P2RX1: variants seen among roughly 807,000 people sequenced by gnomAD.
The protein encoded by P2RX1 is P2X purinoceptor 1.
In P2RX1, 42 loss-of-function variants were observed where a neutral mutation model predicts 50.3. That is an observed-to-expected ratio of 0.83 (90% CI 0.65 to 1.08). P2RX1 has a LOEUF of 1.08. Ranked by LOEUF, P2RX1 falls within the 50% of genes least tolerant of loss-of-function variation. The pLI is 0.00. For synonymous variants in P2RX1, 199 were observed against 202.6 expected, an observed-to-expected ratio of 0.98 and a Z score of 0.15; for missense variants, 449 against 529.0, an observed-to-expected ratio of 0.85 and a Z score of 1.48.
At position 3,903,833 on chromosome 17, in the gene P2RX1, G is replaced by A; in HGVS notation, c.524+95C>T. On this transcript the variant is annotated intron_variant, in intron 5 of 11. Transcript: ENST00000225538. This position sits in a 1 kb window ranked among gnomAD's most constrained non-coding sequence, Gnocchi z 4.6. ...GTTGCGCGGATGGGGTGAGGGTGGG[G>A]TCAGAAAAAGGGGTAAAGATCCTTT... 1 of 1,209,464 alleles carries A rather than the reference G, an allele frequency of 8.3e-7. No homozygotes were observed. The highest frequency in any genetic ancestry group is 1.2e-6 in the Non-Finnish European group (1 of 818,520). 74.9% of individuals were successfully genotyped at this position (1,209,464 alleles called of 1,614,324 possible). A position where few individuals can be genotyped will look rare whatever the true frequency, so the allele number is the denominator to read the frequency against.
In P2RX1 at chr17:3,897,685, C is replaced by T; in HGVS notation, c.*129G>A. The T allele has an allele frequency of 2.4e-6, 2 of 826,228 alleles. No individual in the cohort carries two copies. The highest frequency in any genetic ancestry group is 4.0e-6 in the Non-Finnish European group (2 of 500,180). 51.2% of individuals were successfully genotyped at this position (826,228 alleles called of 1,614,324 possible). A position where few individuals can be genotyped will look rare whatever the true frequency, so the allele number is the denominator to read the frequency against. On this transcript the variant is annotated 3_prime_UTR_variant, in exon 12 of 12. Coordinates refer to ENST00000225538, the MANE Select transcript of P2RX1 (RefSeq NM_002558.4). ...CCTACTATGCACCCTGAGCTTCTGG[C>T]AAACTGCTCTCTGCCTGGCTGAGAG... is the stretch of plus-strand genomic sequence containing the variant.
In P2RX1 at chr17:3,903,612, C is replaced by A. The variant is rs764142900; in HGVS notation, c.544G>T (p.Ala182Ser). Residue 182 changes from alanine (A) to serine (S), a missense_variant, in exon 6 of 12, where the codon GCC becomes TCC. Ala to Ser is a moderately conservative substitution (Grantham distance 99). Transcript: ENST00000225538. This position sits in a 1 kb window ranked among gnomAD's most constrained non-coding sequence, Gnocchi z 4.6. The part of the protein sequence containing the change: ...DIPRPALLRE[A>S]ENFTLFIKNS... ...TTGATGAAAAGAGTGAAGTTCTCGG[C>A]CTCTCGGAGAAGGGCAGGGCTGGAG... is the stretch of plus-strand genomic sequence containing the variant. 1.5e-5 allele frequency: 24 copies of A among 1,613,838 alleles called. No individual in the cohort carries two copies. The East Asian group carries it at 3.6e-4, about 24-fold the overall frequency.
chr17:3,907,871 T>C (rs1233628858), intron 1 of P2RX1, among the ~76,000 whole-genome samples: 1 of 151,626 alleles, frequency 6.6e-6, no homozygotes, highest in African/African-American at 2.4e-5. Context: ...AAGGAGCTGA[T>C]GCAGGGGGGA....
intron 8 of P2RX1, 151 bp downstream of exon 8, chr17:3,899,483 G>T: frequency 9.9e-7 from 1 of 1,009,910 alleles, no homozygotes; most frequent in Non-Finnish European, 1.5e-6. Context: ...TCTCCCTGCT[G>T]GCTTCCTGCA....
chr17:3,898,836 A>C, intron 9 of P2RX1, 98 bp downstream of exon 9: 1 of 999,424 alleles, frequency 1.0e-6, no homozygotes, highest in Non-Finnish European at 1.6e-6. Flanking sequence ...GGATGAACCC[A>C]CCCAACTTCC....
At chr17:3,912,811 C>T (rs1007110956) in intron 1 of P2RX1, among the ~76,000 whole-genome samples, 1 of 152,176 alleles carries the variant, frequency 6.6e-6, no homozygotes, top group Non-Finnish European at 1.5e-5. Context: ...GTTTCTCCCC[C>T]CAATAATTTC....
At position 3,915,774 on chromosome 17, in the gene P2RX1, G is replaced by A. The variant is rs1160528139; in HGVS notation, c.137+315C>T. 1.9e-5 allele frequency: 10 copies of A among 519,042 alleles called. No homozygotes were observed. The East Asian group carries it at 4.6e-4, about 24-fold the overall frequency. 32.2% of individuals were successfully genotyped at this position (519,042 alleles called of 1,614,324 possible). ...GTCAGAGGTCGAGGACTCAGTGGCT[G>A]TGGTTGGTGGTGCCCTGGCCCTGAA... On this transcript the variant is annotated intron_variant, in intron 1 of 11. Transcript: ENST00000225538.
intron 1 of P2RX1, among the ~76,000 whole-genome samples, chr17:3,913,841 G>A (rs779427379): frequency 3.4e-5 from 5 of 145,974 alleles, no homozygotes; most frequent in Non-Finnish European, 7.5e-5. Context: ...ACAGCAAAGT[G>A]CTGAGCTGAG....
In P2RX1 at chr17:3,904,868, T is replaced by C. The variant is rs1245956292; in HGVS notation, c.347A>G (p.Tyr116Cys). Residue 116 changes from tyrosine to cysteine, a missense_variant, in exon 3 of 12, where the codon TAC becomes TGC. Coordinates refer to ENST00000225538, the MANE Select transcript of P2RX1 (RefSeq NM_002558.4). ...GGCAGAAGTCCTCACCTCTGCGCAGTAGCCTTGAGTCTGCTTCGGGGTCAC... is the reference window on the plus strand; with the variant it reads ...GGCAGAAGTCCTCACCTCTGCGCAGCAGCCTTGAGTCTGCTTCGGGGTCAC... ...FIVTPKQTQG[Y>C]CAEHPEGGIC... 1.3e-6 allele frequency: 2 copies of C among 1,588,584 alleles called. No homozygotes were observed. Among genetic ancestry groups the C allele is most frequent in the Non-Finnish European group, 1.7e-6 (2 of 1,167,698 alleles).
chr17:3,900,644 T>C (rs925768657), intron 7 of P2RX1, among the ~76,000 whole-genome samples: 2 of 152,194 alleles, frequency 1.3e-5, no homozygotes, highest in Non-Finnish European at 2.9e-5. Context: ...CCCAGATACG[T>C]CCTTGTTATT....
chr17:3,914,799 C>T lies in P2RX1; in HGVS notation c.137+1290G>A, dbSNP rs1176417345. The stretch of plus-strand genomic sequence containing the variant: ...TGCTGACTTGCTGTGGACCTGGAAA[C>T]CCCACTGCCCCTCTCTGGGCCTCAG... On this transcript the variant is annotated intron_variant, in intron 1 of 11. Transcript: ENST00000225538. This position sits in a 1 kb window ranked among gnomAD's most constrained non-coding sequence, Gnocchi z 4.1. Among the ~76,000 whole-genome samples the T allele has an allele frequency of 6.6e-6, 1 of 152,204 alleles. No homozygotes were observed. Among genetic ancestry groups the T allele is most frequent in the African/African-American group, 2.4e-5 (1 of 41,454 alleles).
At position 3,897,538 on chromosome 17, in the gene P2RX1, C is replaced by G. The variant is rs923347567; in HGVS notation, c.*276G>C. 3.5e-6 allele frequency: 2 copies of G among 565,162 alleles called. No individual in the cohort carries two copies. Among genetic ancestry groups the G allele is most frequent in the Non-Finnish European group, 6.4e-6 (2 of 314,108 alleles). The allele number at this position is 565,162 out of a possible 1,614,324, so 35.0% of individuals were successfully genotyped here. A position where few individuals can be genotyped will look rare whatever the true frequency, so the allele number is the denominator to read the frequency against. Reference sequence around the variant, plus strand: ...GAGAGAGAAGCACGAAGCTAGGGTGCAGGTGTGTGGGAGGGTCCTGCCCAG... The same window carrying G: ...GAGAGAGAAGCACGAAGCTAGGGTGGAGGTGTGTGGGAGGGTCCTGCCCAG... On this transcript the variant is annotated 3_prime_UTR_variant, in exon 12 of 12. Transcript: ENST00000225538.
intron 1 of P2RX1, 33 bp from the exon 2 acceptor site, chr17:3,905,400 T>C (rs1243676238): frequency 1.2e-6 from 2 of 1,612,002 alleles, no homozygotes; most frequent in Admixed American, 3.3e-5. Flanking sequence ...GGAGTTGTGG[T>C]TGTGGCACCA....
In P2RX1 at chr17:3,905,333, A is replaced by T; in HGVS notation, c.172T>A (p.Ser58Thr). The T allele has an allele frequency of 6.2e-7, 1 of 1,613,906 alleles. No individual in the cohort carries two copies. Among genetic ancestry groups the T allele is most frequent in the Non-Finnish European group, 8.5e-7 (1 of 1,180,022 alleles). ...VFLYEKGYQT[S>T]SGLISSVSVK... ...GAGACACTGCTGATGAGGCCGCTCG[A>T]GGTCTGGTAGCCCTTCTCATAGAGA... Residue 58 changes from serine to threonine, a missense_variant, in exon 2 of 12, where the codon TCG becomes ACG. Transcript: ENST00000225538.
chr17:3,899,297 T>G (rs1046213261), intron 8 of P2RX1, among the ~76,000 whole-genome samples: 3 of 35,170 alleles, frequency 8.5e-5, no homozygotes, highest in African/African-American at 2.1e-4. Flanking sequence ...CTCAGATTCC[T>G]GGTCTCAAAG....
At chr17:3,907,562 A>G (rs1597522713) in intron 1 of P2RX1, among the ~76,000 whole-genome samples, 1 of 152,016 alleles carries the variant, frequency 6.6e-6, no homozygotes, top group Admixed American at 6.6e-5. Flanking sequence ...CAGGGAGGCC[A>G]CCCACCAATG....
At chr17:3,910,476 T>C (rs1597526928) in intron 1 of P2RX1, among the ~76,000 whole-genome samples, 2 of 152,198 alleles carry the variant, frequency 1.3e-5, no homozygotes, top group South Asian at 2.1e-4. Context: ...CCCACATTCA[T>C]TGGATCCCCC....
rs2056192023 is a variant in P2RX1 at position 3,903,463 on chromosome 17, G to T, written c.605+88C>A. The T allele has an allele frequency of 1.9e-6, 3 of 1,590,916 alleles. No homozygotes were observed. Among genetic ancestry groups the T allele is most frequent in the Non-Finnish European group, 2.6e-6 (3 of 1,161,382 alleles). On this transcript the variant is annotated intron_variant, in intron 6 of 11. Transcript: ENST00000225538. The surrounding 1 kb of genome is among the most constrained non-coding windows in gnomAD (Gnocchi z 4.6). ...TGCCCCTTTGATTCCTTCCACGCCA[G>T]CAGGAATGGAGGGAGACAGAGACAG... is the stretch of plus-strand genomic sequence containing the variant.
chr17:3,913,458 G>A (rs1461279507), intron 1 of P2RX1, among the ~76,000 whole-genome samples: 1 of 152,186 alleles, frequency 6.6e-6, no homozygotes. Flanking sequence ...GGATCTGAGA[G>A]GGTCAGCTCA....
Sources: gnomAD v4.1 joint callset for allele counts (sites outside exome capture counted in the v4.1 genomes callset) on GRCh38, gnomAD v4.1.1 for gene constraint, Gnocchi (gnomAD v3.1) non-coding constraint, MANE v1.5 for transcripts, NCBI Gene and HGNC (gene_info 2026-07-23, HGNC 2026-07-21) for gene names.